ERCC6: variants seen among roughly 807,000 people sequenced by gnomAD.
ERCC6 encodes the protein ERCC excision repair 6, chromatin remodeling factor.
A neutral mutation model predicts 158.7 loss-of-function variants in ERCC6; 116 were observed. The ratio of observed to expected loss-of-function variants is 0.73; its 90% CI spans 0.63 to 0.85. The LOEUF (loss-of-function observed/expected upper bound fraction) is 0.85. ERCC6 is among the 40% of genes least tolerant of loss of function. The probability of loss-of-function intolerance (pLI) is 0.00; values close to 1 mark genes in which losing one functional copy is unlikely to be tolerated. For missense variants in ERCC6, 1,698 were observed against 1,799.4 expected (o/e 0.94, Z 1.02); for synonymous variants, 678 against 659.3 (o/e 1.03, Z -0.43).
chr10:49,533,029 G>T, intron 1 of ERCC6, 51 bp from the exon 2 acceptor site: 3 of 1,575,762 alleles, frequency 1.9e-6, no homozygotes, highest in Non-Finnish European at 1.7e-6. Flanking sequence ...ATTCATTGTA[G>T]TTCTTAAATA....
rs148338960 is a variant in ERCC6 at position 49,528,147 on chromosome 10, T to C, written c.652+270A>G. Among the ~76,000 whole-genome samples the C allele has an allele frequency of 2.5e-3, 381 of 152,314 alleles. 2 individuals carry two copies. Among genetic ancestry groups the C allele is most frequent in the African/African-American group, 8.7e-3 (360 of 41,552 alleles). On this transcript the variant is annotated intron_variant, in intron 4 of 20. Transcript: ENST00000355832. ...CTTTATCAAATTAACAAAATAAGAA[T>C]GTTTAAGATTTCCAGTGTATTAAAT...
chr10:49,524,701 G>A lies in ERCC6; in HGVS notation c.729C>T (p.Gly243=). 8 of 1,610,696 alleles carry A rather than the reference G, an allele frequency of 5.0e-6. No individual in the cohort carries two copies. The highest frequency in any genetic ancestry group is 6.8e-6 in the Non-Finnish European group (8 of 1,180,020). ...TCTGGGTACCAAAAGGTGTCATCTG[G>A]CCAGTGCGGATGAGCTCTTCCCAGG... ...ETAWEELIRT[G]QMTPFGTQIP... is the part of the protein sequence containing the mutation. The change falls in exon 5 of 21, where the codon GGC becomes GGT. Residue 243 remains glycine, a synonymous_variant. Transcript: ENST00000355832.
chr10:49,478,489 A>G lies in ERCC6; in HGVS notation c.2170-19T>C. On this transcript the variant is annotated intron_variant, in intron 10 of 20. Coordinates refer to ENST00000355832, the MANE Select transcript of ERCC6 (RefSeq NM_000124.4). ...TTTTGACCTTTAATAAGAGCAGAGA[A>G]GGGAACATTACTATATATGTTTAAG... 7.1e-7 allele frequency: 1 copy of G among 1,411,666 alleles called. No homozygotes were observed. The highest frequency in any genetic ancestry group is 1.4e-5 in the African/African-American group (1 of 71,012). The allele number at this position is 1,411,666 out of a possible 1,614,324, so 87.4% of individuals were successfully genotyped here.
chr10:49,522,864 C>G (rs1212918838), intron 5 of ERCC6, among the ~76,000 whole-genome samples: 1 of 152,152 alleles, frequency 6.6e-6, no homozygotes, highest in Non-Finnish European at 1.5e-5. Flanking sequence ...TATAAGCCAG[C>G]CCTCATCTGT....
At chr10:49,487,422 C>T (rs962437043) in intron 8 of ERCC6, among the ~76,000 whole-genome samples, 20 of 152,158 alleles carry the variant, frequency 1.3e-4, no homozygotes, top group African/African-American at 4.3e-4. Flanking sequence ...TGACTTTTGA[C>T]CTCACAAGAA....
At chr10:49,495,016 T>C (rs980935219) in intron 7 of ERCC6, among the ~76,000 whole-genome samples, 1 of 152,148 alleles carries the variant, frequency 6.6e-6, no homozygotes, top group African/African-American at 2.4e-5. Flanking sequence ...TCCTGATACG[T>C]CCTACACTGT....
chr10:49,453,570 A>G (rs1850444408), downstream of ERCC6, among the ~76,000 whole-genome samples: 1 of 152,184 alleles, frequency 6.6e-6, no homozygotes, highest in Admixed American at 6.5e-5. Context: ...GGAGAAAAAT[A>G]TGCATTTATG....
chr10:49,449,744 G>GTTTCACC (rs1850401016), downstream of ERCC6, among the ~76,000 whole-genome samples: 3 of 151,534 alleles, frequency 2.0e-5, no homozygotes, highest in South Asian at 6.3e-4. Context: ...TAGAGACAGG[G>GTTTCACC]TTTCACCATA....
At chr10:49,487,727 T>C (rs1427502382) in intron 8 of ERCC6, among the ~76,000 whole-genome samples, 1 of 152,202 alleles carries the variant, frequency 6.6e-6, no homozygotes, top group Non-Finnish European at 1.5e-5. Context: ...TAGTTTCTTA[T>C]GCTTGCTTAA....
At chr10:49,448,502 A>T in the ERCC6 span, among the ~76,000 whole-genome samples, 1 of 152,234 alleles carries the variant, frequency 6.6e-6, no homozygotes, top group Non-Finnish European at 1.5e-5. Context: ...ACAATTCAGT[A>T]GCTTTTAGTA....
At chr10:49,479,171 T>C (rs1469652426) in intron 10 of ERCC6, among the ~76,000 whole-genome samples, 1 of 151,032 alleles carries the variant, frequency 6.6e-6, no homozygotes, top group Non-Finnish European at 1.5e-5. Context: ...ACAGGCAAAG[T>C]AGTCAATAAA....
intron 18 of ERCC6, among the ~76,000 whole-genome samples, chr10:49,469,077 T>C (rs536942592): frequency 1.3e-5 from 2 of 152,198 alleles, no homozygotes; most frequent in Non-Finnish European, 2.9e-5. Flanking sequence ...AGAATGTTAA[T>C]CACCATTTGG....
At chr10:49,539,154 A>C (rs1293569271), upstream of ERCC6, 3 of 152,288 alleles carry the variant, frequency 2.0e-5, no homozygotes, top group Non-Finnish European at 4.4e-5. Context: ...GTTTTTAAGC[A>C]CGGGCAAGAC....
At chr10:49,481,802 T>C (rs978826952) in intron 10 of ERCC6, among the ~76,000 whole-genome samples, 6 of 152,206 alleles carry the variant, frequency 3.9e-5, no homozygotes, top group African/African-American at 1.4e-4. Context: ...TTGTTTGTTC[T>C]GCCTAAAAAT....
At chr10:49,517,212 C>G in intron 5 of ERCC6, 1 of 1,473,324 alleles carries the variant, frequency 6.8e-7, no homozygotes, top group Non-Finnish European at 9.1e-7. Flanking sequence ...AAACCCATAA[C>G]TAATGCAATA....
chr10:49,439,477 T>A, the ERCC6 span, among the ~76,000 whole-genome samples: 1 of 152,192 alleles, frequency 6.6e-6, no homozygotes, highest in Non-Finnish European at 1.5e-5. Flanking sequence ...GCCCAGCCCA[T>A]GAAACCACTT....
Position 49,528,419 on chromosome 10 carries a change from G to A in ERCC6, c.650C>T (p.Ala217Val), listed in dbSNP as rs1275897017. Residue 217 changes from alanine (A) to valine (V), a missense_variant and splice_region_variant, in exon 4 of 21, where the codon GCA (alanine) becomes GTA (valine). Physicochemically the swap from Ala to Val is moderately conservative, Grantham distance 64. Transcript: ENST00000355832. ...ELDHASLEED[A>V]EPGPSSLGSM... ...GAAACTGCTCCTAGCATCCTCACCT[G>A]CATCCTCCTCCAGACTGGCGTGATC... 1 of 1,614,032 alleles carries A rather than the reference G, an allele frequency of 6.2e-7. No homozygotes were observed. Among genetic ancestry groups the A allele is most frequent in the Non-Finnish European group, 8.5e-7 (1 of 1,180,018 alleles).
chr10:49,467,939 T>C (rs1479284912), intron 18 of ERCC6, among the ~76,000 whole-genome samples: 2 of 152,116 alleles, frequency 1.3e-5, no homozygotes, highest in Non-Finnish European at 2.9e-5. Context: ...TATATTCCTG[T>C]AAACACTCAG....
intron 18 of ERCC6, among the ~76,000 whole-genome samples, chr10:49,462,130 A>G (rs553901554): frequency 6.6e-6 from 1 of 152,332 alleles, no homozygotes; most frequent in African/African-American, 2.4e-5. Flanking sequence ...CTATTGGACA[A>G]TAAAACACGC....
Sources: allele counts gnomAD v4.1 joint callset (sites outside exome capture counted in the v4.1 genomes callset), GRCh38; gene constraint gnomAD v4.1.1; transcripts MANE v1.5; gene names NCBI Gene and HGNC (gene_info 2026-07-23, HGNC 2026-07-21).